Variants in TAFA1 observed in about 807,000 individuals in gnomAD.
The protein encoded by TAFA1 is chemokine-like protein TAFA-1.
Under a neutral mutation model 18.5 loss-of-function variants are expected in TAFA1, and 4 were observed. That is an observed-to-expected ratio of 0.22 (90% CI 0.11 to 0.49). The LOEUF (loss-of-function observed/expected upper bound fraction) is 0.49, where lower values mean the gene tolerates loss of function less well. TAFA1 is among the 20% of genes least tolerant of loss of function. The probability of loss-of-function intolerance (pLI) is 0.98; values close to 1 mark genes in which losing one functional copy is unlikely to be tolerated. For synonymous variants in TAFA1, 56 were observed against 55.2 expected (o/e 1.01, Z -0.06); for missense variants, 147 against 169.0 (o/e 0.87, Z 0.72).
At chr3:68,229,650 C>G (rs550692546) in intron 2 of TAFA1, among the ~76,000 whole-genome samples, 1 of 152,278 alleles carries the variant, frequency 6.6e-6, no homozygotes, top group East Asian at 1.9e-4. Context: ...TTAATCATTA[C>G]TTTTTCGTAG....
chr3:68,180,463 C>G (rs1454941146), intron 2 of TAFA1, among the ~76,000 whole-genome samples: 2 of 152,130 alleles, frequency 1.3e-5, no homozygotes, highest in African/African-American at 4.8e-5. Flanking sequence ...AGCATCACAC[C>G]TGCAGGCAAT....
intron 3 of TAFA1, among the ~76,000 whole-genome samples, chr3:68,535,641 A>G (rs946356059): frequency 1.3e-5 from 2 of 152,192 alleles, no homozygotes; most frequent in Admixed American, 1.3e-4. Context: ...TTGACAATAT[A>G]ATAGAGTAGA....
intron 2 of TAFA1, among the ~76,000 whole-genome samples, chr3:68,181,686 GATC>G (rs2066202624): frequency 6.6e-6 from 1 of 152,106 alleles, no homozygotes; most frequent in African/African-American, 2.4e-5. Flanking sequence ...AGAAACTATT[GATC>G]AAGACAAGTT....
intron 2 of TAFA1, among the ~76,000 whole-genome samples, chr3:68,340,878 T>G (rs747427549): frequency 2.0e-5 from 3 of 152,156 alleles, no homozygotes; most frequent in Non-Finnish European, 2.9e-5. Flanking sequence ...TCAGGCAAAA[T>G]TGAAGGGCAA....
chr3:68,093,944 A>T (rs1444434382), intron 2 of TAFA1, among the ~76,000 whole-genome samples: 1 of 152,028 alleles, frequency 6.6e-6, no homozygotes, highest in Non-Finnish European at 1.5e-5. Flanking sequence ...ATGGAAAGGA[A>T]GTTTTTGCAA....
rs1030578423 is a variant in TAFA1 at position 68,187,101 on chromosome 3, G to A, written c.118+180357G>A. On this transcript the variant is annotated intron_variant, in intron 2 of 4. Coordinates refer to ENST00000478136, the MANE Select transcript of TAFA1 (RefSeq NM_213609.4). ...TGTCAATAATGAAACCTTGAATTCT[G>A]AGTAAATTCATTTTACCTGTTATTA... 5.3e-5 allele frequency among the ~76,000 whole-genome samples: 8 copies of A among 151,810 alleles called. No individual in the cohort carries two copies. The South Asian group carries it at 1.2e-3, about 24-fold the overall frequency.
chr3:68,145,286 G>A (rs534444824), intron 2 of TAFA1: 8 of 788,920 alleles, frequency 1.0e-5, no homozygotes, highest in Admixed American at 5.1e-5. Context: ...AACCATCAAC[G>A]CTCATCAGTG....
At chr3:68,442,274 G>A (rs2071397860) in intron 3 of TAFA1, among the ~76,000 whole-genome samples, 1 of 152,128 alleles carries the variant, frequency 6.6e-6, no homozygotes. Flanking sequence ...CTTTCTTGCT[G>A]GTGGGGACTT....
intron 2 of TAFA1, among the ~76,000 whole-genome samples, chr3:68,079,253 C>A (rs1283972326): frequency 3.3e-5 from 5 of 152,122 alleles, no homozygotes; most frequent in African/African-American, 1.2e-4. Flanking sequence ...TTGATCCTTT[C>A]AAAAAACCAG....
chr3:68,193,223 T>G (rs1298787302), intron 2 of TAFA1, among the ~76,000 whole-genome samples: 2 of 151,754 alleles, frequency 1.3e-5, no homozygotes, highest in East Asian at 1.9e-4. Flanking sequence ...ACTGTGGTAT[T>G]TAGGGAATGG....
At chr3:68,257,427 C>T (rs866668371) in intron 2 of TAFA1, among the ~76,000 whole-genome samples, 5 of 151,246 alleles carry the variant, frequency 3.3e-5, no homozygotes, top group African/African-American at 9.7e-5. Context: ...AAGCCATGGA[C>T]GGTGTCCATC....
rs549204083 is a variant in TAFA1, at chr3:68,177,445, C to T, written c.118+170701C>T. Reference sequence around the variant, plus strand: ...TGCTTCTTCAGCTTCTTTACTACTACCTTGCTCTTTTGAAGAGAGAAACTT... The same window carrying T: ...TGCTTCTTCAGCTTCTTTACTACTATCTTGCTCTTTTGAAGAGAGAAACTT... On this transcript the variant is annotated intron_variant, in intron 2 of 4. Transcript: ENST00000478136. 5.9e-5 allele frequency among the ~76,000 whole-genome samples: 9 copies of T among 152,242 alleles called. No homozygotes were observed. In the South Asian group the frequency reaches 1.2e-3, roughly 21 times the overall value.
intron 2 of TAFA1, among the ~76,000 whole-genome samples, chr3:68,178,655 C>T (rs1007155108): frequency 8.5e-5 from 13 of 152,302 alleles, no homozygotes; most frequent in Non-Finnish European, 1.3e-4. Context: ...GGCGGAAATA[C>T]CTTGGCATGC....
chr3:68,012,310 G>A (rs1284855967), intron 2 of TAFA1, among the ~76,000 whole-genome samples: 2 of 152,144 alleles, frequency 1.3e-5, no homozygotes, highest in Non-Finnish European at 2.9e-5. Context: ...TTGCAACAAT[G>A]GTTTTAATGG....
At chr3:68,370,515 T>TATATAC (rs1693069407) in intron 2 of TAFA1, among the ~76,000 whole-genome samples, 1 of 104,138 alleles carries the variant, frequency 9.6e-6, no homozygotes, top group Non-Finnish European at 1.9e-5. Flanking sequence ...TATATATATA[T>TATATAC]ACCCACATAT....
intron 2 of TAFA1, among the ~76,000 whole-genome samples, chr3:68,177,332 A>G (rs984053736): frequency 5.3e-5 from 8 of 152,154 alleles, no homozygotes; most frequent in Non-Finnish European, 8.8e-5. Context: ...TAGAAAACTG[A>G]GATTCACACT....
At chr3:68,007,086 C>G (rs568271044) in intron 2 of TAFA1, among the ~76,000 whole-genome samples, 38 of 152,326 alleles carry the variant, frequency 2.5e-4, no homozygotes, top group South Asian at 2.3e-3. Flanking sequence ...ATTTTACCTA[C>G]TATAATCTTG....
At chr3:68,541,149 A>G (rs1388538995) in intron 4 of TAFA1, among the ~76,000 whole-genome samples, 1 of 152,250 alleles carries the variant, frequency 6.6e-6, no homozygotes, top group Non-Finnish European at 1.5e-5. Flanking sequence ...CACATCAGTC[A>G]GCTGAGAATT....
intron 2 of TAFA1, among the ~76,000 whole-genome samples, chr3:68,223,225 G>T (rs2066754267): frequency 1.3e-5 from 2 of 152,252 alleles, no homozygotes; most frequent in South Asian, 4.1e-4. Context: ...ACTTAAGGTT[G>T]AGATCGCTTA....
Sources: gnomAD v4.1 joint callset for allele counts (sites outside exome capture counted in the v4.1 genomes callset) on GRCh38, gnomAD v4.1.1 for gene constraint, MANE v1.5 for transcripts, NCBI Gene and HGNC (gene_info 2026-07-23, HGNC 2026-07-21) for gene names.